Variants in DSCAM observed in about 807,000 individuals in gnomAD.
DSCAM encodes the protein DS cell adhesion molecule.
Under a neutral mutation model 217.7 loss-of-function variants are expected in DSCAM, and 47 were observed. The observed-to-expected ratio is 0.22, with a 90% CI of 0.17 to 0.28. The LOEUF (loss-of-function observed/expected upper bound fraction) is 0.28. DSCAM is among the 10% of genes least tolerant of loss of function. The pLI is 1.00. For synonymous variants in DSCAM, 1,056 were observed against 1,015.3 expected, an observed-to-expected ratio of 1.04 and a Z score of -0.76; for missense variants, 2,080 against 2,618.3, an observed-to-expected ratio of 0.79 and a Z score of 4.49.
At chr21:40,076,851 T>TA (rs368024958) in intron 26 of DSCAM, among the ~76,000 whole-genome samples, 2 of 152,322 alleles carry the variant, frequency 1.3e-5, no homozygotes, top group African/African-American at 4.8e-5. Context: ...TGATCTAAAG[T>TA]AAAAAAGATA....
intron 5 of DSCAM, among the ~76,000 whole-genome samples, chr21:40,349,905 G>C (rs2074610312): frequency 6.6e-6 from 1 of 151,896 alleles, no homozygotes; most frequent in Non-Finnish European, 1.5e-5. Flanking sequence ...GAGAAACAAA[G>C]ATCTGAATGA....
At chr21:40,352,592 G>T (rs532527251) in intron 5 of DSCAM, among the ~76,000 whole-genome samples, 1 of 152,308 alleles carries the variant, frequency 6.6e-6, no homozygotes, top group African/African-American at 2.4e-5. Flanking sequence ...GGAGGAGGAA[G>T]TAAGAAAACA....
intron 3 of DSCAM, among the ~76,000 whole-genome samples, chr21:40,448,616 A>G (rs8128726): frequency 0.021 from 3,132 of 152,072 alleles, 90 homozygotes; most frequent in African/African-American, 0.067. Flanking sequence ...TAATAAATCA[A>G]TAATATTTAT....
intron 1 of DSCAM, among the ~76,000 whole-genome samples, chr21:40,743,945 C>T (rs975801453): frequency 6.6e-6 from 1 of 152,280 alleles, no homozygotes; most frequent in Non-Finnish European, 1.5e-5. Flanking sequence ...CAACTGGAAA[C>T]TATTAAAAGA....
chr21:40,579,282 AACCTCAATAAAACTTCAGAGTAG>A (rs1007799741), intron 3 of DSCAM, among the ~76,000 whole-genome samples: 2 of 152,004 alleles, frequency 1.3e-5, no homozygotes, highest in Non-Finnish European at 2.9e-5. Flanking sequence ...TCCAAAAAAA[AACCTCAATAAAACTTCAGAGTAG>A]ACACAGAAGA....
chr21:40,622,148 C>T, intron 3 of DSCAM, among the ~76,000 whole-genome samples: 1 of 152,128 alleles, frequency 6.6e-6, no homozygotes, highest in East Asian at 1.9e-4. Flanking sequence ...CAGAATATTA[C>T]TGGAAGCCCA....
At chr21:40,844,212 G>A (rs1223524042) in intron 1 of DSCAM, among the ~76,000 whole-genome samples, 2 of 152,162 alleles carry the variant, frequency 1.3e-5, no homozygotes, top group Non-Finnish European at 2.9e-5. Context: ...AACAGGCATA[G>A]TTCCAAACTG....
At position 40,620,364 on chromosome 21, in the gene DSCAM, GAAAA is replaced by G. The variant is rs1265684809; in HGVS notation, c.508+72442_508+72445del. ...AAGAAAGAGAAAGAGAGAGAAAAAA[GAAAA>G]AGAAAGAAAGAAAGAAAGAGAAAGA... On this transcript the variant is annotated intron_variant, in intron 3 of 32. Coordinates refer to ENST00000400454, the MANE Select transcript of DSCAM (RefSeq NM_001389.5). Among the ~76,000 whole-genome samples, 10 of 95,922 alleles carry G rather than the reference GAAAA, an allele frequency of 1.0e-4. 1 individual carries two copies. The highest frequency in any genetic ancestry group is 1.9e-4 in the Non-Finnish European group (9 of 47,600). 62.9% of individuals were successfully genotyped at this position (95,922 alleles called of 152,430 possible).
At chr21:40,837,890 A>T (rs983823407) in intron 1 of DSCAM, among the ~76,000 whole-genome samples, 1 of 152,218 alleles carries the variant, frequency 6.6e-6, no homozygotes, top group East Asian at 1.9e-4. Flanking sequence ...TGCAAGCTAC[A>T]TATCAGTTAT....
At chr21:40,223,329 C>A (rs1363718360) in intron 11 of DSCAM, among the ~76,000 whole-genome samples, 1 of 152,224 alleles carries the variant, frequency 6.6e-6, no homozygotes, top group East Asian at 1.9e-4. Flanking sequence ...CCATTCAAGT[C>A]ATTTCTGAGC....
rs550645431 is a variant in DSCAM, at chr21:40,144,785, G to T, written c.3019-54C>A. ...AGAAGTCTTGAGGTAGGACAAGAGC[G>T]AAATCAACGCCCACACCCACGTAGG... On this transcript the variant is annotated intron_variant, in intron 16 of 32. Coordinates refer to ENST00000400454, the MANE Select transcript of DSCAM (RefSeq NM_001389.5). The surrounding 1 kb of genome is among the most constrained non-coding windows in gnomAD (Gnocchi z 4.8). 1 of 1,605,606 alleles carries T rather than the reference G, an allele frequency of 6.2e-7. No individual in the cohort carries two copies. Among genetic ancestry groups the T allele is most frequent in the Non-Finnish European group, 8.5e-7 (1 of 1,176,216 alleles).
chr21:40,051,568 T>C (rs2088931376), intron 30 of DSCAM, among the ~76,000 whole-genome samples: 1 of 152,214 alleles, frequency 6.6e-6, no homozygotes, highest in South Asian at 2.1e-4. Flanking sequence ...CTATGATACC[T>C]GCTTCACGAG....
chr21:40,417,951 C>CCAGAGTTA (rs142081472), intron 3 of DSCAM, among the ~76,000 whole-genome samples: 1,628 of 152,204 alleles, frequency 0.011, 29 homozygotes, highest in African/African-American at 0.036. Flanking sequence ...AGCCCCTTGC[C>CCAGAGTTA]CTCAGTAACT....
At chr21:40,615,350 AATTTTCTCTAAATGAT>A (rs1382437234) in intron 3 of DSCAM, 1 of 151,892 alleles carries the variant, frequency 6.6e-6, no homozygotes, top group East Asian at 1.9e-4. Flanking sequence ...TGTTAACAGC[AATTTTCTCTAAATGAT>A]GAATCTATGA....
intron 2 of DSCAM, among the ~76,000 whole-genome samples, chr21:40,707,977 T>C (rs1225059399): frequency 1.3e-5 from 2 of 152,226 alleles, no homozygotes; most frequent in Admixed American, 1.3e-4. Flanking sequence ...AGCCTTTCTA[T>C]TTCACAAGGA....
chr21:40,314,515 T>G (rs2074175095), intron 8 of DSCAM, among the ~76,000 whole-genome samples: 1 of 152,212 alleles, frequency 6.6e-6, no homozygotes, highest in African/African-American at 2.4e-5. Flanking sequence ...AGTTGGAATG[T>G]GCTGGAGAAA....
intron 27 of DSCAM, among the ~76,000 whole-genome samples, chr21:40,069,656 T>C (rs1372848496): frequency 6.6e-6 from 1 of 152,204 alleles, no homozygotes; most frequent in Non-Finnish European, 1.5e-5. Flanking sequence ...AAAAAAACTT[T>C]CTGAGGGTGG....
chr21:40,334,905 A>G (rs528966408), intron 8 of DSCAM, among the ~76,000 whole-genome samples: 6 of 151,256 alleles, frequency 4.0e-5, no homozygotes, highest in Non-Finnish European at 7.4e-5. Flanking sequence ...AGAAAACCCC[A>G]CGTCCTGAAA....
chr21:40,548,513 A>ATAT (rs531783727), intron 3 of DSCAM, among the ~76,000 whole-genome samples: 20,312 of 150,328 alleles, frequency 0.14, 1,435 homozygotes, highest in Non-Finnish European at 0.14. Context: ...TAAAAAAAAA[A>ATAT]ATATATATAT....
Sources: gnomAD v4.1 joint callset for allele counts (sites outside exome capture counted in the v4.1 genomes callset) on GRCh38, gnomAD v4.1.1 for gene constraint, Gnocchi (gnomAD v3.1) non-coding constraint, MANE v1.5 for transcripts, NCBI Gene and HGNC (gene_info 2026-07-23, HGNC 2026-07-21) for gene names.